The following COL23A1 variants were observed in gnomAD, a reference collection of about 807,000 sequenced individuals.
COL23A1 encodes collagen type XXIII alpha 1 chain.
In COL23A1, 97 loss-of-function variants were observed where a neutral mutation model predicts 99.3. That is an observed-to-expected ratio of 0.98 (90% CI 0.83 to 1.16). The LOEUF is 1.16. Ranked by LOEUF, COL23A1 falls within the 50% of genes most tolerant of loss-of-function variation. COL23A1 has a pLI of 0.00. For synonymous variants in COL23A1, 320 were observed against 308.2 expected, an observed-to-expected ratio of 1.04 and a Z score of -0.40; for missense variants, 762 against 757.4, an observed-to-expected ratio of 1.01 and a Z score of -0.07.
chr5:178,305,970 G>A (rs943814988), intron 3 of COL23A1, among the ~76,000 whole-genome samples: 13 of 152,118 alleles, frequency 8.5e-5, no homozygotes, highest in Non-Finnish European at 1.3e-4. Context: ...TGCTGGCTTC[G>A]GCAGGGCAAC....
intron 17 of COL23A1, among the ~76,000 whole-genome samples, chr5:178,252,309 G>C (rs183786778): frequency 6.6e-6 from 1 of 152,326 alleles, no homozygotes; most frequent in Admixed American, 6.5e-5. Flanking sequence ...TTTTATAGCT[G>C]CATGAATTTT....
chr5:178,282,314 G>A (rs1483050794), intron 5 of COL23A1, among the ~76,000 whole-genome samples: 5 of 151,968 alleles, frequency 3.3e-5, no homozygotes, highest in East Asian at 1.9e-4. Context: ...TTCTTTTTTC[G>A]TAAAGCAGGA....
intron 2 of COL23A1, among the ~76,000 whole-genome samples, chr5:178,529,080 G>C (rs919084997): frequency 1.3e-5 from 2 of 152,216 alleles, no homozygotes; most frequent in Admixed American, 1.3e-4. Context: ...GGTCCCTCGC[G>C]GCTGTTCTCC....
chr5:178,384,268 G>A lies in COL23A1; in HGVS notation c.362-77349C>T, dbSNP rs2127741388. Among the ~76,000 whole-genome samples the A allele has an allele frequency of 6.6e-6, 1 of 152,362 alleles. No homozygotes were observed. The highest frequency in any genetic ancestry group is 1.9e-4 in the East Asian group (1 of 5,188). On this transcript the variant is annotated intron_variant, in intron 2 of 28. Transcript: ENST00000390654. This position sits in a 1 kb window ranked among gnomAD's most constrained non-coding sequence, Gnocchi z 5.5. The stretch of plus-strand genomic sequence containing the variant: ...GCAAATGCACGCAGCTCCCCGCCCA[G>A]GGCAGTTCTCAAAACCTGGATCCGG...
chr5:178,584,406 C>A (rs981099502), intron 1 of COL23A1, among the ~76,000 whole-genome samples: 1 of 151,818 alleles, frequency 6.6e-6, no homozygotes, highest in Non-Finnish European at 1.5e-5. Context: ...CTTGCTATAT[C>A]ATCCAAACTG....
chr5:178,251,522 C>G (rs1314308316), intron 17 of COL23A1, among the ~76,000 whole-genome samples: 1 of 152,060 alleles, frequency 6.6e-6, no homozygotes, highest in Non-Finnish European at 1.5e-5. Context: ...TAAAATTCAA[C>G]TTATCAAGGT....
At chr5:178,245,585 T>C (rs1038144233) in intron 25 of COL23A1, among the ~76,000 whole-genome samples, 7 of 123,800 alleles carry the variant, frequency 5.7e-5, no homozygotes, top group East Asian at 2.4e-4. Context: ...CATCCATTCA[T>C]TCATCCATCC....
rs567490650 is a variant in COL23A1, at chr5:178,386,512, G to C, written c.362-79593C>G. On this transcript the variant is annotated intron_variant, in intron 2 of 28. Coordinates refer to ENST00000390654, the MANE Select transcript of COL23A1 (RefSeq NM_173465.4). Reference sequence around the variant, plus strand: ...ACTCACTCACAATCCCACCAACCTAGCACAAATATTTCCATTTTTGGCCAT... The same window carrying C: ...ACTCACTCACAATCCCACCAACCTACCACAAATATTTCCATTTTTGGCCAT... Among the ~76,000 whole-genome samples the C allele has an allele frequency of 3.9e-5, 6 of 152,020 alleles. No homozygotes were observed. In the South Asian group the frequency reaches 1.2e-3, roughly 32 times the overall value.
chr5:178,368,243 T>C (rs760798984), intron 2 of COL23A1, among the ~76,000 whole-genome samples: 1 of 152,116 alleles, frequency 6.6e-6, no homozygotes, highest in Admixed American at 6.5e-5. Flanking sequence ...AGGAATACCA[T>C]GGGCTGGGCA....
At chr5:178,546,811 G>A (rs774571691) in intron 2 of COL23A1, among the ~76,000 whole-genome samples, 17 of 152,170 alleles carry the variant, frequency 1.1e-4, no homozygotes, top group Non-Finnish European at 2.2e-4. Context: ...AGGCAACTCC[G>A]TGCCAAAGGT....
chr5:178,454,954 C>T (rs569361995), intron 2 of COL23A1, among the ~76,000 whole-genome samples: 2 of 152,362 alleles, frequency 1.3e-5, no homozygotes, highest in African/African-American at 4.8e-5. Context: ...CCATCCCCTT[C>T]CCGGCCTGTG....
intron 2 of COL23A1, among the ~76,000 whole-genome samples, chr5:178,524,612 C>T (rs983460081): frequency 6.6e-6 from 1 of 152,226 alleles, no homozygotes; most frequent in Non-Finnish European, 1.5e-5. Context: ...GTACCAGCCT[C>T]CTCCCCCATG....
chr5:178,448,914 T>G (rs1056696797), intron 2 of COL23A1, among the ~76,000 whole-genome samples: 14 of 151,896 alleles, frequency 9.2e-5, no homozygotes, highest in African/African-American at 2.4e-4. Flanking sequence ...AATAAAGTTT[T>G]TTTTTTTTTT....
chr5:178,290,615 G>A (rs1050607039), intron 3 of COL23A1, among the ~76,000 whole-genome samples: 1 of 152,224 alleles, frequency 6.6e-6, no homozygotes, highest in Non-Finnish European at 1.5e-5. Flanking sequence ...ACATGCATGG[G>A]TGCATGCATT....
At chr5:178,528,296 C>A (rs766846071) in intron 2 of COL23A1, among the ~76,000 whole-genome samples, 22 of 152,218 alleles carry the variant, frequency 1.4e-4, no homozygotes, top group Non-Finnish European at 2.5e-4. Context: ...CACACACTCC[C>A]TACAGGGGAG....
At chr5:178,524,382 G>A (rs1008030757) in intron 2 of COL23A1, among the ~76,000 whole-genome samples, 2 of 152,216 alleles carry the variant, frequency 1.3e-5, no homozygotes, top group African/African-American at 4.8e-5. Flanking sequence ...TCTCTTATGA[G>A]AATAACTGGG....
chr5:178,381,669 T>G (rs774291326), intron 2 of COL23A1, among the ~76,000 whole-genome samples: 7 of 152,190 alleles, frequency 4.6e-5, no homozygotes, highest in Non-Finnish European at 1.0e-4. Context: ...AGGGTCTTGC[T>G]GTGTCGCCTA....
chr5:178,563,535 T>TTG (rs1185566048), intron 1 of COL23A1, among the ~76,000 whole-genome samples: 47 of 143,640 alleles, frequency 3.3e-4, no homozygotes, highest in Non-Finnish European at 6.1e-4. Context: ...ACTTTTTTTT[T>TTG]TTTTTTTTTT....
chr5:178,255,520 A>G lies in COL23A1; in HGVS notation c.883-494T>C, dbSNP rs1382028052. Among the ~76,000 whole-genome samples the G allele has an allele frequency of 6.6e-6, 1 of 151,526 alleles. No homozygotes were observed. The highest frequency in any genetic ancestry group is 1.5e-5 in the Non-Finnish European group (1 of 67,884). Reference sequence around the variant, plus strand: ...GCATGCCCATGTCCATATGCTGCACACTCATTGTGCACACTCACACGTGCA... The same window carrying G: ...GCATGCCCATGTCCATATGCTGCACGCTCATTGTGCACACTCACACGTGCA... On this transcript the variant is annotated intron_variant, in intron 15 of 28. Transcript: ENST00000390654. This position sits in a 1 kb window ranked among gnomAD's most constrained non-coding sequence, Gnocchi z 4.2.
Sources: gnomAD v4.1 joint callset for allele counts (sites outside exome capture counted in the v4.1 genomes callset) on GRCh38, gnomAD v4.1.1 for gene constraint, Gnocchi (gnomAD v3.1) non-coding constraint, MANE v1.5 for transcripts, NCBI Gene and HGNC (gene_info 2026-07-23, HGNC 2026-07-21) for gene names.